RASAL2: variants seen among roughly 807,000 people sequenced by gnomAD.
RASAL2 encodes ras GTPase-activating protein nGAP.
RASAL2 carries 58 observed loss-of-function variants against 128.9 expected under a neutral mutation model. That is an observed-to-expected ratio of 0.45 (90% CI 0.36 to 0.56). The LOEUF is 0.56. Among genes scored for constraint, RASAL2 ranks in the 20% least tolerant of loss-of-function variants. RASAL2 has a pLI of 0.00. For missense variants in RASAL2, 1,360 were observed against 1,601.6 expected (o/e 0.85, Z 2.57); for synonymous variants, 561 against 580.8 (o/e 0.97, Z 0.49).
intron 3 of RASAL2, among the ~76,000 whole-genome samples, chr1:178,310,052 G>A (rs1047256845): frequency 6.6e-6 from 1 of 152,138 alleles, no homozygotes; most frequent in African/African-American, 2.4e-5. Context: ...GTTTATTACA[G>A]ATGAAATTTG....
At chr1:178,196,186 AAAAT>A (rs1275595718) in intron 1 of RASAL2, among the ~76,000 whole-genome samples, 3 of 152,260 alleles carry the variant, frequency 2.0e-5, no homozygotes, top group South Asian at 2.1e-4. Context: ...TTAATTTAAA[AAAAT>A]AAATAAATAG....
intron 1 of RASAL2, among the ~76,000 whole-genome samples, chr1:178,155,399 T>A (rs942333708): frequency 1.3e-5 from 2 of 150,882 alleles, no homozygotes; most frequent in African/African-American, 4.8e-5. Context: ...ATTTAAGGCA[T>A]TTTTAGAAAG....
intron 1 of RASAL2, among the ~76,000 whole-genome samples, chr1:178,096,557 T>C (rs958121415): frequency 6.6e-6 from 1 of 152,000 alleles, no homozygotes; most frequent in African/African-American, 2.4e-5. Context: ...ACAGGATATA[T>C]GTTTATTGTT....
intron 4 of RASAL2, among the ~76,000 whole-genome samples, chr1:178,410,086 G>A (rs934799956): frequency 6.6e-6 from 1 of 152,162 alleles, no homozygotes; most frequent in Non-Finnish European, 1.5e-5. Flanking sequence ...GGAATCTAGG[G>A]AGAAGGAAAA....
chr1:178,166,217 A>G (rs887475368), intron 1 of RASAL2, among the ~76,000 whole-genome samples: 1 of 152,162 alleles, frequency 6.6e-6, no homozygotes, highest in African/African-American at 2.4e-5. Context: ...AAATGTGAAA[A>G]TAATAGCTGT....
intron 3 of RASAL2, among the ~76,000 whole-genome samples, chr1:178,314,946 C>T (rs1453334021): frequency 3.2e-5 from 4 of 126,074 alleles, no homozygotes; most frequent in East Asian, 2.6e-4. Flanking sequence ...CCCCTCCCCC[C>T]ACCCCACCAC....
At chr1:178,182,391 A>G (rs910835816) in intron 1 of RASAL2, among the ~76,000 whole-genome samples, 1 of 152,162 alleles carries the variant, frequency 6.6e-6, no homozygotes, top group African/African-American at 2.4e-5. Flanking sequence ...TTATTGGAGA[A>G]TAATATTAGA....
At chr1:178,164,508 T>TGTGC (rs551286126) in intron 1 of RASAL2, among the ~76,000 whole-genome samples, 1,059 of 94,030 alleles carry the variant, frequency 0.011, 9 homozygotes, top group African/African-American at 0.027. Flanking sequence ...TGTGTGTGCG[T>TGTGC]GTGTGTGTGT....
At chr1:178,275,070 C>T (rs1304400323) in intron 1 of RASAL2, among the ~76,000 whole-genome samples, 1 of 152,182 alleles carries the variant, frequency 6.6e-6, no homozygotes, top group East Asian at 1.9e-4. Context: ...GAAGAACAGG[C>T]TGTGATGGAC....
At chr1:178,436,788 G>A (rs1455516143) in intron 5 of RASAL2, among the ~76,000 whole-genome samples, 1 of 151,988 alleles carries the variant, frequency 6.6e-6, no homozygotes, top group Non-Finnish European at 1.5e-5. Flanking sequence ...ATGTTGCCCA[G>A]ACTGGTCTCA....
chr1:178,357,315 AT>A (rs1335053754), intron 3 of RASAL2, among the ~76,000 whole-genome samples: 1 of 137,834 alleles, frequency 7.3e-6, no homozygotes, highest in Non-Finnish European at 1.6e-5. Context: ...GTGAAATGAG[AT>A]TTTTTTTCAG....
chr1:178,278,775 A>G (rs887785923), intron 1 of RASAL2, among the ~76,000 whole-genome samples: 2 of 152,122 alleles, frequency 1.3e-5, no homozygotes, highest in East Asian at 1.9e-4. Context: ...TATGGAAGAG[A>G]TAAGTTGCTT....
At chr1:178,275,565 G>A (rs566537772) in intron 1 of RASAL2, among the ~76,000 whole-genome samples, 1 of 152,198 alleles carries the variant, frequency 6.6e-6, no homozygotes, top group African/African-American at 2.4e-5. Context: ...CTATAGAGAA[G>A]TGTTACCTTT....
chr1:178,133,045 G>T (rs908111111), intron 1 of RASAL2, among the ~76,000 whole-genome samples: 3 of 152,132 alleles, frequency 2.0e-5, no homozygotes, highest in Non-Finnish European at 1.5e-5. Context: ...GATTACAGGC[G>T]TGAGCCACTG....
chr1:178,160,022 T>G (rs1346953133), intron 1 of RASAL2, among the ~76,000 whole-genome samples: 1 of 151,334 alleles, frequency 6.6e-6, no homozygotes, highest in African/African-American at 2.4e-5. Context: ...ATTCTGTAGT[T>G]TTTTTTTTAA....
chr1:178,108,065 C>T (rs1659163975), intron 1 of RASAL2, among the ~76,000 whole-genome samples: 1 of 152,150 alleles, frequency 6.6e-6, no homozygotes, highest in Admixed American at 6.6e-5. Context: ...CCTTTTACAT[C>T]CTTACCAGCA....
intron 3 of RASAL2, among the ~76,000 whole-genome samples, chr1:178,364,944 G>T (rs1671322144): frequency 6.6e-6 from 1 of 151,840 alleles, no homozygotes; most frequent in Admixed American, 6.6e-5. Flanking sequence ...AGTATTTAAA[G>T]AATCTGATTA....
intron 5 of RASAL2, among the ~76,000 whole-genome samples, chr1:178,432,893 T>C (rs74392691): frequency 0.025 from 3,780 of 152,214 alleles, 63 homozygotes; most frequent in South Asian, 0.074. Flanking sequence ...TGTGTACTCC[T>C]TTCTTTTTCC....
chr1:178,408,357 C>A (rs1334621692), intron 4 of RASAL2, among the ~76,000 whole-genome samples: 1 of 152,152 alleles, frequency 6.6e-6, no homozygotes, highest in African/African-American at 2.4e-5. Context: ...GATATCATAA[C>A]TGTGAAAGAG....
Sources: gnomAD v4.1 joint callset for allele counts (sites outside exome capture counted in the v4.1 genomes callset) on GRCh38, gnomAD v4.1.1 for gene constraint, MANE v1.5 for transcripts, NCBI Gene and HGNC (gene_info 2026-07-23, HGNC 2026-07-21) for gene names.